SHISA9: variants seen among roughly 807,000 people sequenced by gnomAD.
SHISA9 encodes the protein protein shisa-9.
Under a neutral mutation model 38.0 loss-of-function variants are expected in SHISA9, and 13 were observed. The observed-to-expected ratio is 0.34, with a 90% confidence interval of 0.22 to 0.54. SHISA9 has a LOEUF of 0.54. Among genes scored for constraint, SHISA9 ranks in the 20% least tolerant of loss-of-function variants. The pLI, the probability that SHISA9 is intolerant of heterozygous loss-of-function variation, is 0.91. For missense variants in SHISA9, 538 were observed against 575.8 expected (o/e 0.93, Z 0.67); for synonymous variants, 275 against 242.0 (o/e 1.14, Z -1.27).
At chr16:13,330,775 C>A in the SHISA9 span, among the ~76,000 whole-genome samples, 9 of 152,118 alleles carry the variant, frequency 5.9e-5, no homozygotes, top group Admixed American at 1.3e-4. Context: ...CTCTGAAGGG[C>A]CTTTGAAAAC....
intron 2 of SHISA9, among the ~76,000 whole-genome samples, chr16:13,121,081 C>A (rs371731291): frequency 6.6e-6 from 1 of 152,058 alleles, no homozygotes; most frequent in South Asian, 2.1e-4. Context: ...ATTGCCTGAG[C>A]CCAGGAAGGT....
the SHISA9 span, among the ~76,000 whole-genome samples, chr16:13,407,734 T>G: frequency 6.6e-6 from 1 of 152,226 alleles, no homozygotes; most frequent in Admixed American, 6.5e-5. Context: ...TGACCATTTC[T>G]GAACTAGAGA....
At chr16:13,434,427 T>TTTTTTTTTTTTTTTTTTTTTTTTTTTTTG in the SHISA9 span, among the ~76,000 whole-genome samples, 1 of 145,876 alleles carries the variant, frequency 6.9e-6, no homozygotes, top group Non-Finnish European at 1.5e-5. Flanking sequence ...ATGTTTTTTT[T>TTTTTTTTTTTTTTTTTTTTTTTTTTTTTG]TTTTTTTTGA....
chr16:13,173,408 AC>A (rs1402569725), intron 2 of SHISA9, among the ~76,000 whole-genome samples: 7 of 151,556 alleles, frequency 4.6e-5, no homozygotes, highest in Admixed American at 2.6e-4. Flanking sequence ...ACACACACAC[AC>A]ATTTTCCTAA....
intron 4 of SHISA9, among the ~76,000 whole-genome samples, chr16:13,216,862 T>C (rs2051174012): frequency 6.6e-6 from 1 of 152,178 alleles, no homozygotes; most frequent in South Asian, 2.1e-4. Flanking sequence ...TTTCACCACC[T>C]AGGGCTTCCC....
chr16:13,440,459 C>CT, the SHISA9 span, among the ~76,000 whole-genome samples: 3 of 152,298 alleles, frequency 2.0e-5, 1 homozygote, highest in South Asian at 6.2e-4. Context: ...GAGAAAGCAC[C>CT]TTGCCATTGA....
chr16:13,183,281 T>C lies in SHISA9; in HGVS notation c.692-20113T>C, dbSNP rs969077065. 2.3e-4 allele frequency among the ~76,000 whole-genome samples: 35 copies of C among 152,164 alleles called. 2 individuals carry two copies. Among genetic ancestry groups the C allele is most frequent in the Middle Eastern group, 6.8e-3 (2 of 294 alleles). The stretch of plus-strand genomic sequence containing the variant: ...AGAGAGGGAGATATTGTGATGGTCA[T>C]CTTCAGAAAATACAATCTGCCACAG... On this transcript the variant is annotated intron_variant, in intron 2 of 4. Transcript: ENST00000558583.
the SHISA9 span, among the ~76,000 whole-genome samples, chr16:13,394,145 C>A: frequency 6.6e-6 from 1 of 152,154 alleles, no homozygotes; most frequent in African/African-American, 2.4e-5. Flanking sequence ...TGCATTTCTA[C>A]CATCTGCCAT....
the SHISA9 span, among the ~76,000 whole-genome samples, chr16:13,539,886 T>G: frequency 6.6e-6 from 1 of 152,128 alleles, no homozygotes; most frequent in African/African-American, 2.4e-5. Flanking sequence ...CTCAAGATAA[T>G]GGCCACCAGC....
intron 2 of SHISA9, among the ~76,000 whole-genome samples, chr16:12,970,363 A>G (rs1179994567): frequency 3.1e-5 from 3 of 96,876 alleles, no homozygotes; most frequent in Non-Finnish European, 5.7e-5. Context: ...GTATATATAT[A>G]TATATACATA....
rs151316687 is a variant in SHISA9, at chr16:13,000,681, C to G, written c.691+83866C>G. ...GCACTGACAGTGTCTGCTAGGAGGG[C>G]TACGGGGGATGACGCATGGGGATGG... On this transcript the variant is annotated intron_variant, in intron 2 of 4. Transcript: ENST00000558583. Among the ~76,000 whole-genome samples the G allele has an allele frequency of 2.9e-3, 442 of 152,222 alleles. 5 individuals carry two copies. The highest frequency in any genetic ancestry group is 0.01 in the African/African-American group (423 of 41,548).
At chr16:13,056,701 C>G (rs893055036) in intron 2 of SHISA9, among the ~76,000 whole-genome samples, 2 of 152,218 alleles carry the variant, frequency 1.3e-5, no homozygotes, top group African/African-American at 4.8e-5. Flanking sequence ...TAAAACTTGC[C>G]TTCCGCTTCA....
intron 2 of SHISA9, among the ~76,000 whole-genome samples, chr16:13,146,759 C>G (rs1185322219): frequency 6.6e-6 from 1 of 152,102 alleles, no homozygotes; most frequent in Non-Finnish European, 1.5e-5. Context: ...CCAGATGTGC[C>G]TAATCCTGAA....
the SHISA9 span, among the ~76,000 whole-genome samples, chr16:13,484,229 G>C: frequency 2.0e-5 from 3 of 152,332 alleles, no homozygotes; most frequent in Admixed American, 2.0e-4. Context: ...GGTAGTGTGA[G>C]ACTAGAGGAG....
chr16:12,960,273 C>G (rs909262175), intron 2 of SHISA9, among the ~76,000 whole-genome samples: 11 of 152,106 alleles, frequency 7.2e-5, no homozygotes, highest in African/African-American at 2.4e-4. Flanking sequence ...TTGCAAATAT[C>G]CATTTAAAAA....
chr16:12,949,147 C>A (rs1228497472), intron 2 of SHISA9, among the ~76,000 whole-genome samples: 1 of 152,140 alleles, frequency 6.6e-6, no homozygotes, highest in Non-Finnish European at 1.5e-5. Context: ...TCCCTAGGAG[C>A]AGAGCCTGAG....
intron 2 of SHISA9, among the ~76,000 whole-genome samples, chr16:13,081,319 T>G (rs541729739): frequency 1.2e-4 from 19 of 152,250 alleles, no homozygotes; most frequent in Non-Finnish European, 1.9e-4. Context: ...AAGGGATCAT[T>G]TAGCACGGGA....
the SHISA9 span, among the ~76,000 whole-genome samples, chr16:13,253,985 C>T: frequency 6.6e-6 from 1 of 152,046 alleles, no homozygotes; most frequent in Non-Finnish European, 1.5e-5. Context: ...AAACATTTCT[C>T]ATTATCAGAA....
At position 12,922,866 on chromosome 16, in the gene SHISA9, A is replaced by G. The variant is rs1436511425; in HGVS notation, c.691+6051A>G. On this transcript the variant is annotated intron_variant, in intron 2 of 4. Transcript: ENST00000558583. Reference sequence around the variant, plus strand: ...TGTTCTCTTGGAAGTTGTCTCACTCATTATTTTATTTATGCCTCTTCTACT... The same window carrying G: ...TGTTCTCTTGGAAGTTGTCTCACTCGTTATTTTATTTATGCCTCTTCTACT... Among the ~76,000 whole-genome samples, 4 of 152,074 alleles carry G rather than the reference A, an allele frequency of 2.6e-5. No individual in the cohort carries two copies. In the East Asian group the frequency reaches 7.7e-4, roughly 29 times the overall value.
Sources: gnomAD v4.1 joint callset for allele counts (sites outside exome capture counted in the v4.1 genomes callset) on GRCh38, gnomAD v4.1.1 for gene constraint, MANE v1.5 for transcripts, NCBI Gene and HGNC (gene_info 2026-07-23, HGNC 2026-07-21) for gene names.